The following NRG3 variants were observed in gnomAD, a reference collection of about 807,000 sequenced individuals.
The protein encoded by NRG3 is neuregulin 3.
NRG3 carries 31 observed loss-of-function variants against 66.9 expected under a neutral mutation model. The observed-to-expected ratio is 0.46, with a 90% CI of 0.35 to 0.63. NRG3 has a LOEUF of 0.63. Ranked by LOEUF, NRG3 falls within the 20% of genes least tolerant of loss-of-function variation. NRG3 has a pLI of 0.00. For missense variants in NRG3, 910 were observed against 878.9 expected, an observed-to-expected ratio of 1.04 and a Z score of -0.45; for synonymous variants, 393 against 359.4, an observed-to-expected ratio of 1.09 and a Z score of -1.06.
intron 1 of NRG3, among the ~76,000 whole-genome samples, chr10:82,307,696 G>C (rs879358122): frequency 6.6e-6 from 1 of 151,388 alleles, no homozygotes; most frequent in Non-Finnish European, 1.5e-5. Flanking sequence ...ATATTTATTA[G>C]GTTGGTGCAA....
rs766914179 is a variant in NRG3 at position 81,938,647 on chromosome 10, A to ATGTGTGTGTGTG, written c.823+62486_823+62487insTGTGTGTGTGTG. ...TGTGTGTGTGTGTGTGTGTGCATGC[A>ATGTGTGTGTGTG]TGCATGCATGCAAAAATTTTAAGGT... On this transcript the variant is annotated intron_variant, in intron 1 of 8. Coordinates refer to ENST00000372141, the MANE Select transcript of NRG3 (RefSeq NM_001010848.4). Among the ~76,000 whole-genome samples, 1,815 of 113,076 alleles carry ATGTGTGTGTGTG rather than the reference A, an allele frequency of 0.016. 62 individuals are homozygous for ATGTGTGTGTGTG. The East Asian group carries it at 0.18, about 11-fold the overall frequency. The allele number at this position is 113,076 out of a possible 152,430, so 74.2% of individuals were successfully genotyped here. A position where few individuals can be genotyped will look rare whatever the true frequency, so the allele number is the denominator to read the frequency against.
At chr10:82,751,870 A>C (rs1471098510) in intron 3 of NRG3, among the ~76,000 whole-genome samples, 4 of 152,062 alleles carry the variant, frequency 2.6e-5, no homozygotes, top group Admixed American at 2.6e-4. Context: ...ACTATGTCTT[A>C]AATGTTTTTC....
chr10:82,658,151 T>A (rs191628647), intron 2 of NRG3, among the ~76,000 whole-genome samples: 3 of 152,130 alleles, frequency 2.0e-5, no homozygotes, highest in African/African-American at 7.2e-5. Context: ...AGTCCTTAAT[T>A]ATTTAGAAAA....
intron 1 of NRG3, among the ~76,000 whole-genome samples, chr10:82,086,825 A>G (rs1196145379): frequency 6.6e-6 from 1 of 152,092 alleles, no homozygotes; most frequent in Non-Finnish European, 1.5e-5. Flanking sequence ...TGTCTGGTAA[A>G]TTTAGGTAGA....
chr10:82,870,740 G>T (rs1841264696), intron 4 of NRG3, among the ~76,000 whole-genome samples: 1 of 152,152 alleles, frequency 6.6e-6, no homozygotes, highest in Non-Finnish European at 1.5e-5. Context: ...CTTTAGTAAG[G>T]TGTCTGCCAA....
At chr10:82,904,316 C>A (rs1047848793) in intron 4 of NRG3, among the ~76,000 whole-genome samples, 4 of 152,118 alleles carry the variant, frequency 2.6e-5, no homozygotes, top group Non-Finnish European at 4.4e-5. Flanking sequence ...AGACTGGACA[C>A]CCCTGGTGTA....
chr10:82,764,136 G>C lies in NRG3; in HGVS notation c.1027+25486G>C, dbSNP rs1469535833. ...TGCAACTTCTGCCTCCCAGGTTCAA[G>C]AGATTTTTCTGCTTCATCCTCCTGA... On this transcript the variant is annotated intron_variant, in intron 3 of 8. Transcript: ENST00000372141. Among the ~76,000 whole-genome samples the C allele has an allele frequency of 2.6e-5, 4 of 152,012 alleles. No homozygotes were observed. In the East Asian group the frequency reaches 7.8e-4, roughly 30 times the overall value.
intron 4 of NRG3, among the ~76,000 whole-genome samples, chr10:82,869,611 ATTTTATTTTATTTTG>A (rs1200221523): frequency 2.8e-5 from 4 of 141,212 alleles, no homozygotes; most frequent in African/African-American, 1.1e-4. Flanking sequence ...ATTTTATTTT[ATTTTATTTTATTTTG>A]AGACAGAGTT....
At chr10:82,642,215 C>T (rs2050629888) in intron 2 of NRG3, among the ~76,000 whole-genome samples, 1 of 151,878 alleles carries the variant, frequency 6.6e-6, no homozygotes, top group African/African-American at 2.4e-5. Flanking sequence ...CTATTATATA[C>T]ATATGCCACA....
intron 3 of NRG3, among the ~76,000 whole-genome samples, chr10:82,810,737 T>TAAAAAAA (rs750726119): frequency 1.4e-5 from 1 of 70,002 alleles, no homozygotes. Context: ...CACTCCAGCC[T>TAAAAAAA]AAAAAAAAAA....
chr10:82,862,474 T>TA (rs1257874813), intron 3 of NRG3, among the ~76,000 whole-genome samples: 1 of 152,202 alleles, frequency 6.6e-6, no homozygotes, highest in African/African-American at 2.4e-5. Context: ...TGATATGTGT[T>TA]AGAGCATGTA....
intron 2 of NRG3, among the ~76,000 whole-genome samples, chr10:82,669,410 A>T (rs1455423063): frequency 3.3e-5 from 5 of 152,066 alleles, no homozygotes; most frequent in Non-Finnish European, 7.4e-5. Context: ...CACAGAATAA[A>T]TTTTTAGTAC....
chr10:82,354,424 CTT>C (rs1431737953), intron 1 of NRG3, among the ~76,000 whole-genome samples: 7 of 147,296 alleles, frequency 4.8e-5, no homozygotes, highest in East Asian at 2.0e-4. Flanking sequence ...GAGTTTCGCT[CTT>C]GTTACCCAGG....
At chr10:82,844,023 TA>T (rs2063191044) in intron 3 of NRG3, among the ~76,000 whole-genome samples, 1 of 148,364 alleles carries the variant, frequency 6.7e-6, no homozygotes, top group African/African-American at 2.6e-5. Context: ...TAAATAGATC[TA>T]TATATAAATA....
At chr10:82,890,110 T>C (rs1178926634) in intron 4 of NRG3, among the ~76,000 whole-genome samples, 1 of 147,278 alleles carries the variant, frequency 6.8e-6, no homozygotes, top group Non-Finnish European at 1.5e-5. Flanking sequence ...ATACAGGGAC[T>C]CTAGATGATC....
intron 2 of NRG3, among the ~76,000 whole-genome samples, chr10:82,541,698 T>G (rs2043553315): frequency 6.6e-6 from 1 of 152,182 alleles, no homozygotes; most frequent in Non-Finnish European, 1.5e-5. Flanking sequence ...CATTTATGCC[T>G]TTTAGTTTTT....
intron 1 of NRG3, among the ~76,000 whole-genome samples, chr10:82,108,446 A>T (rs907614631): frequency 2.0e-5 from 3 of 152,164 alleles, no homozygotes; most frequent in Non-Finnish European, 4.4e-5. Flanking sequence ...GGAGCTGGAG[A>T]TAAATGGAAA....
chr10:82,890,915 A>C (rs1254192544), intron 4 of NRG3, among the ~76,000 whole-genome samples: 7 of 152,060 alleles, frequency 4.6e-5, no homozygotes, highest in African/African-American at 1.7e-4. Context: ...TTTATTTGAC[A>C]TTTGGATAAT....
intron 1 of NRG3, among the ~76,000 whole-genome samples, chr10:81,890,150 G>A (rs1471541714): frequency 1.3e-5 from 2 of 152,156 alleles, no homozygotes; most frequent in Non-Finnish European, 2.9e-5. Flanking sequence ...CAGTCCTTCT[G>A]CCTGGTGCCT....
Sources: gnomAD v4.1 joint callset for allele counts (sites outside exome capture counted in the v4.1 genomes callset) on GRCh38, gnomAD v4.1.1 for gene constraint, MANE v1.5 for transcripts, NCBI Gene and HGNC (gene_info 2026-07-23, HGNC 2026-07-21) for gene names.